Variants in NOMO2 observed in about 807,000 individuals in gnomAD.
The protein encoded by NOMO2 is NODAL modulator 2, also known as BOS complex subunit NOMO2.
In NOMO2, 14 loss-of-function variants were observed where a neutral mutation model predicts 67.1. The ratio of observed to expected loss-of-function variants is 0.21; its 90% CI spans 0.14 to 0.33. NOMO2 has a LOEUF of 0.33. Among genes scored for constraint, NOMO2 ranks in the 10% least tolerant of loss-of-function variants. The probability of loss-of-function intolerance (pLI) is 1.00; values close to 1 mark genes in which losing one functional copy is unlikely to be tolerated. For missense variants in NOMO2, 178 were observed against 761.0 expected (o/e 0.23, Z 9.01); for synonymous variants, 80 against 305.9 (o/e 0.26, Z 7.71).
intron 2 of NOMO2, 79 bp downstream of exon 2, chr16:18,557,623 A>G: frequency 6.2e-7 from 1 of 1,610,860 alleles, no homozygotes; most frequent in Non-Finnish European, 8.5e-7. Context: ...TTGCTAGTGT[A>G]GGAAAGGGCA....
intron 17 of NOMO2, among the ~76,000 whole-genome samples, chr16:18,524,172 C>A (rs1345729739): frequency 2.4e-5 from 2 of 83,876 alleles, no homozygotes; most frequent in East Asian, 5.4e-4. Context: ...TGTAAAAATA[C>A]AAAAATGGCA....
chr16:18,546,095 A>G (rs1901656699), intron 6 of NOMO2, among the ~76,000 whole-genome samples: 1 of 32,020 alleles, frequency 3.1e-5, no homozygotes, highest in Non-Finnish European at 5.5e-5. Flanking sequence ...GGGCAACAAG[A>G]GCAAGACTTC....
chr16:18,533,849 A>G (rs1901361508), intron 11 of NOMO2: 1 of 151,870 alleles, frequency 6.6e-6, no homozygotes, highest in African/African-American at 2.4e-5. Flanking sequence ...GTTGCAAGGC[A>G]TCCCTCGAAT....
intron 6 of NOMO2, among the ~76,000 whole-genome samples, chr16:18,545,262 A>T (rs1404272974): frequency 2.0e-5 from 3 of 146,484 alleles, no homozygotes; most frequent in Non-Finnish European, 4.5e-5. Context: ...TTCCTGGCTA[A>T]TTTTTTTCTA....
chr16:18,539,251 C>T (rs1901494009), intron 9 of NOMO2, among the ~76,000 whole-genome samples: 1 of 150,008 alleles, frequency 6.7e-6, no homozygotes. Context: ...TTCTAGAAGC[C>T]CCCCACCCTT....
chr16:18,535,811 T>C (rs1477096756), intron 11 of NOMO2, among the ~76,000 whole-genome samples: 1 of 152,016 alleles, frequency 6.6e-6, no homozygotes, highest in Non-Finnish European at 1.5e-5. Flanking sequence ...TCTTTTTTTT[T>C]TCTGAGACGG....
intron 16 of NOMO2, among the ~76,000 whole-genome samples, chr16:18,526,117 G>A (rs1245722255): frequency 2.0e-5 from 3 of 151,710 alleles, no homozygotes; most frequent in Non-Finnish European, 4.4e-5. Flanking sequence ...GGGTTACACA[G>A]GAGCTAAGAT....
Position 18,533,145 on chromosome 16 carries a change from A to G in NOMO2, c.1255T>C (p.Phe419Leu). ...TTCATCTGCTTGACGGTGTCCGGGA[A>G]GCGAATGATTGATATCCGACCACAG... ...SVCGRISIIR[F>L]PDTVKQMNKY... Residue 419 changes from phenylalanine (F) to leucine (L), a missense_variant, in exon 12 of 31, where the codon TTC becomes CTC. Phe to Leu is a conservative substitution (Grantham distance 22). Coordinates refer to ENST00000622306, the MANE Select transcript of NOMO2 (RefSeq NM_173614.4). 1 of 1,611,550 alleles carries G rather than the reference A, an allele frequency of 6.2e-7. No homozygotes were observed. The highest frequency in any genetic ancestry group is 8.5e-7 in the Non-Finnish European group (1 of 1,179,752).
At chr16:18,535,835 C>T (rs114328631) in intron 11 of NOMO2, among the ~76,000 whole-genome samples, 4,591 of 151,712 alleles carry the variant, frequency 0.03, 124 homozygotes, top group African/African-American at 0.11. Flanking sequence ...CTCACCCTGT[C>T]GGCCAGGCTG....
intron 1 of NOMO2, among the ~76,000 whole-genome samples, chr16:18,560,280 G>C (rs1482948969): frequency 0.024 from 3,621 of 149,344 alleles, no homozygotes; most frequent in African/African-American, 0.034. Context: ...GCAGCCCTTG[G>C]GCTTAAGGAA....
intron 3 of NOMO2, among the ~76,000 whole-genome samples, chr16:18,553,822 T>C (rs1159209882): frequency 7.3e-6 from 1 of 136,726 alleles, no homozygotes; most frequent in Non-Finnish European, 1.6e-5. Flanking sequence ...ACCCTACCCC[T>C]GACTATAAAC....
intron 11 of NOMO2, among the ~76,000 whole-genome samples, chr16:18,537,068 T>C (rs1016468539): frequency 6.6e-6 from 1 of 152,016 alleles, no homozygotes; most frequent in African/African-American, 2.4e-5. Flanking sequence ...GTTTTTGGCC[T>C]ACTGTTCTTC....
chr16:18,533,127 G>C lies in NOMO2; in HGVS notation c.1273C>G (p.Gln425Glu). The stretch of plus-strand genomic sequence containing the variant: ...AGGACAACTTTGTATTTATTCATCT[G>C]CTTGACGGTGTCCGGGAAGCGAATG... Reference protein sequence around the residue: ...SIIRFPDTVKQMNKYKVVLSS... With the variant: ...SIIRFPDTVKEMNKYKVVLSS... Residue 425 changes from glutamine (Q) to glutamate (E), a missense_variant, in exon 12 of 31, where the codon CAG (glutamine) becomes GAG (glutamate). Coordinates refer to ENST00000622306, the MANE Select transcript of NOMO2 (RefSeq NM_173614.4). The C allele has an allele frequency of 6.2e-7, 1 of 1,611,424 alleles. No individual in the cohort carries two copies. Among genetic ancestry groups the C allele is most frequent in the Non-Finnish European group, 8.5e-7 (1 of 1,179,732 alleles).
At chr16:18,539,679 C>A (rs1272800889) in intron 9 of NOMO2, among the ~76,000 whole-genome samples, 2 of 151,808 alleles carry the variant, frequency 1.3e-5, no homozygotes, top group South Asian at 2.1e-4. Flanking sequence ...ATCGCTTCAA[C>A]TCGGGATGCG....
chr16:18,520,497 A>G, intron 20 of NOMO2, 100 bp downstream of exon 20: 1 of 658,664 alleles, frequency 1.5e-6, no homozygotes, highest in Non-Finnish European at 2.6e-6. Context: ...GTGGCTTACA[A>G]AGATGGCTTC....
intron 2 of NOMO2, among the ~76,000 whole-genome samples, chr16:18,557,243 A>G (rs1229265898): frequency 6.6e-6 from 1 of 151,996 alleles, no homozygotes; most frequent in Non-Finnish European, 1.5e-5. Flanking sequence ...ATACTTCTAA[A>G]GACCTTGACT....
rs434641 is a variant in NOMO2 at position 18,529,381 on chromosome 16, G to A, written c.1806+120C>T. 1.9e-5 allele frequency: 30 copies of A among 1,606,798 alleles called. No homozygotes were observed. In the South Asian group the frequency reaches 2.8e-4, roughly 15 times the overall value. On this transcript the variant is annotated intron_variant, in intron 15 of 30. Transcript: ENST00000622306. ...GCGTTGCGTAACAGGTGGGCGAGTGGAGAGGCAGAAAAGGAAATCTGACTT... is the reference window on the plus strand; with the variant it reads ...GCGTTGCGTAACAGGTGGGCGAGTGAAGAGGCAGAAAAGGAAATCTGACTT...
Position 18,529,574 on chromosome 16 carries a change from T to C in NOMO2, c.1733A>G (p.Asp578Gly), listed in dbSNP as rs1901247505. The C allele has an allele frequency of 6.2e-7, 1 of 1,607,600 alleles. No individual in the cohort carries two copies. The highest frequency in any genetic ancestry group is 1.1e-5 in the South Asian group (1 of 90,646). Residue 578 changes from aspartate (D) to glycine (G), a missense_variant, in exon 15 of 31, where the codon GAT (aspartate) becomes GGT (glycine). Asp to Gly is a moderately conservative substitution (Grantham distance 94). Coordinates refer to ENST00000622306, the MANE Select transcript of NOMO2 (RefSeq NM_173614.4). ...NKSLEVEVLE[D>G]DVSAVEFRQT... Reference sequence around the variant, plus strand: ...CCTGAACTCAACTGCAGACACGTCATCCTCCAGCACTTCCACCTCCAGGCT... The same window carrying C: ...CCTGAACTCAACTGCAGACACGTCACCCTCCAGCACTTCCACCTCCAGGCT...
At chr16:18,556,234 T>C (rs1901900536) in intron 2 of NOMO2, among the ~76,000 whole-genome samples, 1 of 148,412 alleles carries the variant, frequency 6.7e-6, no homozygotes, top group African/African-American at 2.5e-5. Flanking sequence ...GCGGATCACC[T>C]GAGGTCAGGA....
Sources: allele counts gnomAD v4.1 joint callset (sites outside exome capture counted in the v4.1 genomes callset), GRCh38; gene constraint gnomAD v4.1.1; transcripts MANE v1.5; gene names NCBI Gene and HGNC (gene_info 2026-07-23, HGNC 2026-07-21).